The following C11orf71 variants were observed in gnomAD, a reference collection of about 807,000 sequenced individuals.
The protein encoded by C11orf71 is uncharacterized protein C11orf71.
For missense variants in C11orf71, 179 were observed against 167.6 expected, an observed-to-expected ratio of 1.07 and a Z score of -0.38; for synonymous variants, 72 against 73.4, an observed-to-expected ratio of 0.98 and a Z score of 0.09.
At chr11:114,395,300 T>G (rs1946122738), downstream of C11orf71, among the ~76,000 whole-genome samples, 1 of 152,216 alleles carries the variant, frequency 6.6e-6, no homozygotes, top group Admixed American at 6.5e-5. Flanking sequence ...AAGTGTGTTC[T>G]TTGAATGTAA....
downstream of C11orf71, among the ~76,000 whole-genome samples, chr11:114,393,804 T>C (rs564532036): frequency 3.3e-5 from 5 of 152,332 alleles, no homozygotes; most frequent in African/African-American, 4.8e-5. Flanking sequence ...AAGTTTGTTT[T>C]CTCTCTTGTT....
In C11orf71 at chr11:114,399,824, T is replaced by TATTCATATA. The variant is rs1171519680; in HGVS notation, c.*127_*135dup. On this transcript the variant is annotated 3_prime_UTR_variant, in exon 1 of 1. Transcript: ENST00000623205. ...TTACACTTCCCTTAGTGCTAGGACATATTCATATAACTCCCACGTATTAAA... is the reference window on the plus strand; with the variant it reads ...TTACACTTCCCTTAGTGCTAGGACATATTCATATAATTCATATAACTCCCACGTATTAAA... 8.1e-7 allele frequency: 1 copy of TATTCATATA among 1,235,938 alleles called. No homozygotes were observed. The highest frequency in any genetic ancestry group is 1.1e-6 in the Non-Finnish European group (1 of 918,836). 76.6% of individuals were successfully genotyped at this position (1,235,938 alleles called of 1,614,324 possible).
chr11:114,399,826 T>C lies in C11orf71; in HGVS notation c.*134A>G, dbSNP rs1946166093. ...ACACTTCCCTTAGTGCTAGGACATA[T>C]TCATATAACTCCCACGTATTAAATG... On this transcript the variant is annotated 3_prime_UTR_variant, in exon 1 of 1. Transcript: ENST00000623205. 5 of 1,253,684 alleles carry C rather than the reference T, an allele frequency of 4.0e-6. No homozygotes were observed. In the East Asian group the frequency reaches 1.0e-4, roughly 26 times the overall value. The allele number at this position is 1,253,684 out of a possible 1,614,324, so 77.7% of individuals were successfully genotyped here.
rs754012415 is a variant in C11orf71 at position 114,399,946 on chromosome 11, G to A, written c.*14C>T. The A allele has an allele frequency of 1.3e-6, 2 of 1,584,976 alleles. No homozygotes were observed. The highest frequency in any genetic ancestry group is 1.7e-6 in the Non-Finnish European group (2 of 1,160,104). On this transcript the variant is annotated 3_prime_UTR_variant, in exon 1 of 1. Transcript: ENST00000623205. The stretch of plus-strand genomic sequence containing the variant: ...GTTCACAAGCTAAGTGAGGGCCAGA[G>A]GAAAGGTGTTCGTTTAAACTGAAAT...
intron 1 of C11orf71, among the ~76,000 whole-genome samples, chr11:114,392,451 T>C (rs972478428): frequency 3.7e-5 from 5 of 133,994 alleles, no homozygotes; most frequent in African/African-American, 1.4e-4. Context: ...GGCAGGAGAA[T>C]CACTGGAACC....
At chr11:114,394,178 C>CTTTTCTTTTCTT (rs1565256269), downstream of C11orf71, among the ~76,000 whole-genome samples, 1 of 81,146 alleles carries the variant, frequency 1.2e-5, no homozygotes, top group Non-Finnish European at 2.3e-5. Context: ...GACGGGGTTT[C>CTTTTCTTTTCTT]GTTTCTTTTC....
At position 114,399,907 on chromosome 11, in the gene C11orf71, T is replaced by A; in HGVS notation, c.*53A>T. The A allele has an allele frequency of 3.2e-5, 48 of 1,504,390 alleles. No individual in the cohort carries two copies. Among genetic ancestry groups the A allele is most frequent in the East Asian group, 1.6e-4 (7 of 43,060 alleles). The allele number at this position is 1,504,390 out of a possible 1,614,324, so 93.2% of individuals were successfully genotyped here. ...CGATTGCTGCTACACCAAGAAAGGA[T>A]TTTAAAAAGGCCTGTTCACAAGCTA... is the stretch of plus-strand genomic sequence containing the variant. On this transcript the variant is annotated 3_prime_UTR_variant, in exon 1 of 1. Transcript: ENST00000623205.
At chr11:114,397,838 T>A (rs1452812157), downstream of C11orf71, among the ~76,000 whole-genome samples, 1 of 152,210 alleles carries the variant, frequency 6.6e-6, no homozygotes, top group Non-Finnish European at 1.5e-5. Context: ...GATGGCACCC[T>A]CTTCCACTCC....
downstream of C11orf71, among the ~76,000 whole-genome samples, chr11:114,396,054 C>T (rs1188969482): frequency 6.6e-6 from 1 of 152,108 alleles, no homozygotes. Flanking sequence ...CAATCGTGCC[C>T]CACTCCTAAA....
intron 1 of C11orf71, among the ~76,000 whole-genome samples, chr11:114,393,224 C>T (rs983277765): frequency 4.6e-5 from 7 of 152,170 alleles, no homozygotes; most frequent in Admixed American, 1.3e-4. Context: ...TTATGCCTTC[C>T]TATCTGTTAA....
rs778123239 is a variant in C11orf71, at chr11:114,400,495, G to T, written c.-164C>A. The T allele has an allele frequency of 9.5e-6, 12 of 1,269,378 alleles. No individual in the cohort carries two copies. The highest frequency in any genetic ancestry group is 8.3e-5 in the Admixed American group (3 of 36,322). 78.6% of individuals were successfully genotyped at this position (1,269,378 alleles called of 1,614,324 possible). On this transcript the variant is annotated 5_prime_UTR_variant, in exon 1 of 1. Transcript: ENST00000623205. ...AGAAGCCGCCTTGCCTTTAACGAGG[G>T]GTATCCTGGCGAGCATGCGCAGACC...
At chr11:114,393,164 C>T (rs1189020289) in intron 1 of C11orf71, among the ~76,000 whole-genome samples, 1 of 152,226 alleles carries the variant, frequency 6.6e-6, no homozygotes, top group Non-Finnish European at 1.5e-5. Context: ...GTGGTAAAGT[C>T]ATTTCAACAA....
chr11:114,397,248 A>T (rs999538310), downstream of C11orf71, among the ~76,000 whole-genome samples: 3 of 152,220 alleles, frequency 2.0e-5, no homozygotes, highest in Non-Finnish European at 2.9e-5. Context: ...TTAGAATGAC[A>T]ACATGCTATG....
chr11:114,394,200 T>TTTC (rs1266627389), downstream of C11orf71, among the ~76,000 whole-genome samples: 3 of 43,268 alleles, frequency 6.9e-5, no homozygotes, highest in East Asian at 5.0e-4. Flanking sequence ...TTTCTTTTCT[T>TTTC]TTCTTTTCTT....
downstream of C11orf71, among the ~76,000 whole-genome samples, chr11:114,394,043 G>T (rs1033672398): frequency 1.1e-4 from 17 of 151,760 alleles, no homozygotes; most frequent in African/African-American, 4.1e-4. Context: ...GCAGTGGTGC[G>T]ATCTAGGCTC....
chr11:114,399,154 A>T lies in C11orf71; in HGVS notation c.*806T>A. 1 of 151,928 alleles carries T rather than the reference A, an allele frequency of 6.6e-6. No homozygotes were observed. The highest frequency in any genetic ancestry group is 1.9e-4 in the East Asian group (1 of 5,174). 9.4% of individuals were successfully genotyped at this position (151,928 alleles called of 1,614,324 possible). A position where few individuals can be genotyped will look rare whatever the true frequency, so the allele number is the denominator to read the frequency against. On this transcript the variant is annotated 3_prime_UTR_variant, in exon 1 of 1. Coordinates refer to ENST00000623205, the MANE Select transcript of C11orf71 (RefSeq NM_001271562.2). ...TTCCTATTCACTTAGTAGCCTCCCC[A>T]TCTAGAATATACTCCGTGATCTTTC...
In C11orf71 at chr11:114,399,344, A is replaced by G. The variant is rs1946157789; in HGVS notation, c.*616T>C. The G allele has an allele frequency of 6.6e-6, 1 of 152,342 alleles. No homozygotes were observed. Among genetic ancestry groups the G allele is most frequent in the African/African-American group, 2.4e-5 (1 of 41,464 alleles). 9.4% of individuals were successfully genotyped at this position (152,342 alleles called of 1,614,324 possible). A position where few individuals can be genotyped will look rare whatever the true frequency, so the allele number is the denominator to read the frequency against. On this transcript the variant is annotated 3_prime_UTR_variant, in exon 1 of 1. Transcript: ENST00000623205. ...AGTAATGTTTTCACCAGTGTATTTT[A>G]GGACAGCAGATTCAGATTAATGCGC...
chr11:114,396,601 A>C (rs1242904649), downstream of C11orf71, among the ~76,000 whole-genome samples: 1 of 152,216 alleles, frequency 6.6e-6, no homozygotes, highest in Non-Finnish European at 1.5e-5. Context: ...GATAACATAA[A>C]TATATTTTGA....
At chr11:114,394,249 T>TTCTTTTCTTTTCTCTTCTC (rs1565256619), downstream of C11orf71, among the ~76,000 whole-genome samples, 1 of 61,052 alleles carries the variant, frequency 1.6e-5, no homozygotes, top group Admixed American at 2.1e-4. Context: ...TTTCTTTTCT[T>TTCTTTTCTTTTCTCTTCTC]TTCTTTTCTT....
Sources: gnomAD v4.1 joint callset for allele counts (sites outside exome capture counted in the v4.1 genomes callset) on GRCh38, gnomAD v4.1.1 for gene constraint, MANE v1.5 for transcripts, NCBI Gene and HGNC (gene_info 2026-07-23, HGNC 2026-07-21) for gene names.